PCSK5: variants seen among roughly 807,000 people sequenced by gnomAD.
PCSK5 encodes the protein proprotein convertase subtilisin/kexin type 5.
PCSK5 carries 129 observed loss-of-function variants against 233.2 expected under a neutral mutation model. The ratio of observed to expected loss-of-function variants is 0.55; its 90% CI spans 0.48 to 0.64. The LOEUF (loss-of-function observed/expected upper bound fraction) is 0.64, where lower values mean the gene tolerates loss of function less well. PCSK5 is among the 30% of genes least tolerant of loss of function. PCSK5 has a pLI of 0.00. For synonymous variants in PCSK5, 825 were observed against 879.2 expected (o/e 0.94, Z 1.09); for missense variants, 2,076 against 2,430.1 (o/e 0.85, Z 3.06).
intron 5 of PCSK5, among the ~76,000 whole-genome samples, chr9:76,028,887 G>A (rs1477875578): frequency 6.6e-6 from 1 of 152,180 alleles, no homozygotes; most frequent in Non-Finnish European, 1.5e-5. Context: ...ACAGCTTAAA[G>A]GTTAGAAGCA....
At chr9:75,919,656 T>C (rs1823158684) in intron 1 of PCSK5, among the ~76,000 whole-genome samples, 1 of 152,224 alleles carries the variant, frequency 6.6e-6, no homozygotes, top group Non-Finnish European at 1.5e-5. Flanking sequence ...GTGATGTCTT[T>C]AATTAATACA....
intron 34 of PCSK5, 36 bp downstream of exon 34, chr9:76,332,646 A>C (rs780171751): frequency 8.4e-6 from 12 of 1,424,964 alleles, no homozygotes; most frequent in Non-Finnish European, 1.1e-5. Flanking sequence ...ATGTAATTTC[A>C]CAGCCACAGC....
At chr9:75,935,370 A>G (rs1262515650) in intron 2 of PCSK5, among the ~76,000 whole-genome samples, 1 of 152,178 alleles carries the variant, frequency 6.6e-6, no homozygotes, top group Non-Finnish European at 1.5e-5. Flanking sequence ...CCCGGCCGAT[A>G]TTCACATGTA....
At chr9:76,228,356 C>A (rs1825964851) in intron 21 of PCSK5, among the ~76,000 whole-genome samples, 1 of 152,140 alleles carries the variant, frequency 6.6e-6, no homozygotes, top group African/African-American at 2.4e-5. Context: ...AAAAATTAAC[C>A]ATTTTTATGT....
intron 20 of PCSK5, among the ~76,000 whole-genome samples, chr9:76,192,285 T>G (rs1237935813): frequency 6.6e-6 from 1 of 152,078 alleles, no homozygotes; most frequent in Admixed American, 6.5e-5. Context: ...AAAAGAAGAA[T>G]CATATCTGCA....
At position 76,281,990 on chromosome 9, in the gene PCSK5, C is replaced by A. The variant is rs11507274; in HGVS notation, c.3143-10243C>A. 1.3e-4 allele frequency among the ~76,000 whole-genome samples: 20 copies of A among 151,718 alleles called. No homozygotes were observed. In the South Asian group the frequency reaches 2.5e-3, roughly 19 times the overall value. On this transcript the variant is annotated intron_variant, in intron 24 of 37. Transcript: ENST00000674117. ...AGACACTGTGTATGGCAATAGCTGCCGTAGAGATTCCTCTGATGTATCTGG... is the reference window on the plus strand; with the variant it reads ...AGACACTGTGTATGGCAATAGCTGCAGTAGAGATTCCTCTGATGTATCTGG...
chr9:76,079,524 G>C (rs1830761685), intron 7 of PCSK5, among the ~76,000 whole-genome samples: 1 of 152,150 alleles, frequency 6.6e-6, no homozygotes, highest in Admixed American at 6.5e-5. Context: ...TTTATATCTT[G>C]GAGCTTCACT....
chr9:76,296,380 C>T (rs1458249754), intron 26 of PCSK5, among the ~76,000 whole-genome samples: 1 of 152,152 alleles, frequency 6.6e-6, no homozygotes, highest in Non-Finnish European at 1.5e-5. Context: ...AACCCCATCT[C>T]TACTAAAAAT....
chr9:76,089,590 A>G (rs533302984), intron 7 of PCSK5, among the ~76,000 whole-genome samples: 1 of 152,352 alleles, frequency 6.6e-6, no homozygotes, highest in South Asian at 2.1e-4. Flanking sequence ...CCAGGCACAT[A>G]TTAATATATG....
chr9:75,917,200 G>T (rs1008723329), intron 1 of PCSK5, among the ~76,000 whole-genome samples: 3 of 148,762 alleles, frequency 2.0e-5, no homozygotes, highest in Non-Finnish European at 4.5e-5. Flanking sequence ...GATGGGAAAA[G>T]CATATGAATA....
In PCSK5 at chr9:76,328,080, A is replaced by C. The variant is rs756674241; in HGVS notation, c.4411A>C (p.Asn1471His). The change falls in exon 33 of 38, where the codon AAC becomes CAC. Residue 1471 changes from asparagine (N) to histidine (H), a missense_variant. Physicochemically the swap from Asn to His is moderately conservative, Grantham distance 68. Around this residue, in one of 6 missense-constraint regions of PCSK5, gnomAD observed 1,510 missense variants for 1,538.1 expected, o/e 0.98. Coordinates refer to ENST00000674117, the MANE Select transcript of PCSK5 (RefSeq NM_001372043.1). Reference protein sequence around the residue: ...CTTCQKGLIMNPRGSCMANEK... With the variant: ...CTTCQKGLIMHPRGSCMANEK... Reference sequence around the variant, plus strand: ...CACCTGTCAGAAAGGCCTGATCATGAACCCTCGTGGGAGCTGCATGGCCAA... The same window carrying C: ...CACCTGTCAGAAAGGCCTGATCATGCACCCTCGTGGGAGCTGCATGGCCAA... 17 of 1,612,724 alleles carry C rather than the reference A, an allele frequency of 1.1e-5. No individual in the cohort carries two copies. Among genetic ancestry groups the C allele is most frequent in the Middle Eastern group, 1.6e-4 (1 of 6,082 alleles).
At chr9:76,047,621 G>A (rs1422904481) in intron 5 of PCSK5, among the ~76,000 whole-genome samples, 1 of 152,046 alleles carries the variant, frequency 6.6e-6, no homozygotes, top group African/African-American at 2.4e-5. Context: ...CAAGAGAGGG[G>A]AGCAATTTCC....
chr9:75,980,374 A>G (rs1253754834), intron 2 of PCSK5, among the ~76,000 whole-genome samples: 3 of 152,192 alleles, frequency 2.0e-5, no homozygotes, highest in Non-Finnish European at 2.9e-5. Flanking sequence ...CTGAATGTAT[A>G]TGCAGTGTTT....
intron 1 of PCSK5, among the ~76,000 whole-genome samples, chr9:75,912,203 A>G (rs968469747): frequency 6.6e-6 from 1 of 152,076 alleles, no homozygotes; most frequent in Admixed American, 6.6e-5. Context: ...TGGCATGAGC[A>G]AATTTGTGAA....
At chr9:76,042,129 G>C (rs1278410501) in intron 5 of PCSK5, among the ~76,000 whole-genome samples, 1 of 152,164 alleles carries the variant, frequency 6.6e-6, no homozygotes, top group Non-Finnish European at 1.5e-5. Context: ...TCCCTGCCCT[G>C]TGGCAAGATC....
At chr9:76,126,173 G>GTA (rs1554690765) in intron 9 of PCSK5, among the ~76,000 whole-genome samples, 5 of 125,682 alleles carry the variant, frequency 4.0e-5, no homozygotes, top group African/African-American at 2.0e-4. Flanking sequence ...TTTCCTGCGT[G>GTA]TGTGTGTATG....
intron 21 of PCSK5, 67 bp downstream of exon 21, chr9:76,227,672 C>T (rs1225765917): frequency 2.2e-5 from 22 of 994,948 alleles, no homozygotes; most frequent in Non-Finnish European, 3.3e-5. Context: ...AGAGGAGGTG[C>T]TCACCATCTT....
At chr9:76,005,122 C>T (rs1827421102) in intron 3 of PCSK5, among the ~76,000 whole-genome samples, 1 of 152,202 alleles carries the variant, frequency 6.6e-6, no homozygotes, top group Admixed American at 6.5e-5. Context: ...ACATTTACTA[C>T]AGTACATGCA....
At chr9:76,056,475 C>T (rs1242495392) in intron 5 of PCSK5, among the ~76,000 whole-genome samples, 3 of 152,226 alleles carry the variant, frequency 2.0e-5, no homozygotes, top group Non-Finnish European at 2.9e-5. Context: ...GAAGGCCCTA[C>T]ACTCACTTCA....
Sources: gnomAD v4.1 joint callset for allele counts (sites outside exome capture counted in the v4.1 genomes callset) on GRCh38, gnomAD v4.1.1 for gene constraint, gnomAD v4.1.1 regional missense constraint, MANE v1.5 for transcripts, NCBI Gene and HGNC (gene_info 2026-07-23, HGNC 2026-07-21) for gene names.